Variants in AKAP6 observed in about 807,000 individuals in gnomAD.
AKAP6 encodes the protein A-kinase anchoring protein 6, also known as A-kinase anchor protein 6.
A neutral mutation model predicts 188.5 loss-of-function variants in AKAP6; 58 were observed. That is an observed-to-expected ratio of 0.31 (90% CI 0.25 to 0.38). The LOEUF is 0.38. Ranked by LOEUF, AKAP6 falls within the 10% of genes least tolerant of loss-of-function variation. The probability of loss-of-function intolerance (pLI) is 1.00; values close to 1 mark genes in which losing one functional copy is unlikely to be tolerated. For missense variants in AKAP6, 2,710 were observed against 2,740.0 expected, an observed-to-expected ratio of 0.99 and a Z score of 0.24; for synonymous variants, 989 against 998.6, an observed-to-expected ratio of 0.99 and a Z score of 0.18.
chr14:32,479,644 A>G (rs1879240153), intron 2 of AKAP6, among the ~76,000 whole-genome samples: 1 of 152,112 alleles, frequency 6.6e-6, no homozygotes, highest in Non-Finnish European at 1.5e-5. Flanking sequence ...GTGTCCCCCT[A>G]CAAATTTATA....
chr14:32,468,275 A>G (rs1878573896), intron 2 of AKAP6, among the ~76,000 whole-genome samples: 1 of 152,214 alleles, frequency 6.6e-6, no homozygotes, highest in Non-Finnish European at 1.5e-5. Context: ...TGACATATTC[A>G]GAAGAGCTAG....
At chr14:32,627,459 C>T (rs1887069887) in intron 7 of AKAP6, among the ~76,000 whole-genome samples, 1 of 152,084 alleles carries the variant, frequency 6.6e-6, no homozygotes, top group African/African-American at 2.4e-5. Flanking sequence ...ACTCAGCCCA[C>T]TCTTCATTAA....
At position 32,831,996 on chromosome 14, in the gene AKAP6, C is replaced by T. The variant is rs1477492456; in HGVS notation, c.*2191C>T. On this transcript the variant is annotated 3_prime_UTR_variant, in exon 14 of 14. Transcript: ENST00000280979. ...ATCTGTAATTCTACCACTTTAATAACTATTTGTATTTTTATGCCCCTTCTG... is the reference window on the plus strand; with the variant it reads ...ATCTGTAATTCTACCACTTTAATAATTATTTGTATTTTTATGCCCCTTCTG... 2 of 152,080 alleles carry T rather than the reference C, an allele frequency of 1.3e-5. No homozygotes were observed. Among genetic ancestry groups the T allele is most frequent in the African/African-American group, 2.4e-5 (1 of 41,434 alleles). The allele number at this position is 152,080 out of a possible 1,614,324, so 9.4% of individuals were successfully genotyped here.
At chr14:32,559,581 G>T (rs1360498210) in intron 4 of AKAP6, among the ~76,000 whole-genome samples, 1 of 152,118 alleles carries the variant, frequency 6.6e-6, no homozygotes, top group Non-Finnish European at 1.5e-5. Context: ...TAATCTGACT[G>T]TGGTATGCTG....
rs182280616 is a variant in AKAP6, at chr14:32,382,827, T to C, written c.-34-50633T>C. ...GTGGTACAGGGGAAGGATGCAGTGA[T>C]TTGGATGTGGTTGCCTGGAATAGGA... On this transcript the variant is annotated intron_variant, in intron 1 of 13. Transcript: ENST00000280979. 3.5e-4 allele frequency among the ~76,000 whole-genome samples: 54 copies of C among 152,134 alleles called. 1 individual carries two copies. The East Asian group carries it at 0.01, about 29-fold the overall frequency.
Position 32,545,135 on chromosome 14 carries a change from C to T in AKAP6, c.577-95C>T, listed in dbSNP as rs181353923. ...AGCAATAGGGACCAATACATTTGAC[C>T]TTTATAGTGCCCTGTACTGCAATTT... On this transcript the variant is annotated intron_variant, in intron 3 of 13. Transcript: ENST00000280979. 228 of 1,221,144 alleles carry T rather than the reference C, an allele frequency of 1.9e-4. 1 individual carries two copies. In the African/African-American group the frequency reaches 3.0e-3, roughly 16 times the overall value. The allele number at this position is 1,221,144 out of a possible 1,614,324, so 75.6% of individuals were successfully genotyped here. A position where few individuals can be genotyped will look rare whatever the true frequency, so the allele number is the denominator to read the frequency against.
intron 9 of AKAP6, among the ~76,000 whole-genome samples, chr14:32,721,886 C>G (rs190027951): frequency 3.3e-5 from 5 of 152,220 alleles, no homozygotes; most frequent in African/African-American, 1.2e-4. Context: ...ATCTCCCAGG[C>G]CAATCCTCAT....
intron 4 of AKAP6, among the ~76,000 whole-genome samples, chr14:32,569,428 G>A (rs140403491): frequency 5.7e-4 from 87 of 152,126 alleles, no homozygotes; most frequent in African/African-American, 1.8e-3. Context: ...TCAATTACTC[G>A]TACTGTGTTG....
At chr14:32,611,499 G>T (rs1886352478) in intron 7 of AKAP6, among the ~76,000 whole-genome samples, 1 of 152,186 alleles carries the variant, frequency 6.6e-6, no homozygotes, top group African/African-American at 2.4e-5. Flanking sequence ...TAAGGATGTA[G>T]GTTTGGTAGT....
At chr14:32,749,743 A>G (rs1490906415) in intron 11 of AKAP6, among the ~76,000 whole-genome samples, 1 of 152,250 alleles carries the variant, frequency 6.6e-6, no homozygotes, top group Non-Finnish European at 1.5e-5. Flanking sequence ...TATGTAAGAC[A>G]TACAATTCTC....
intron 7 of AKAP6, among the ~76,000 whole-genome samples, chr14:32,627,385 G>T (rs946891644): frequency 3.9e-5 from 6 of 152,002 alleles, no homozygotes; most frequent in Non-Finnish European, 7.4e-5. Flanking sequence ...TCAATATATG[G>T]TATTATTTTG....
At chr14:32,343,551 A>G (rs1482808767) in intron 1 of AKAP6, among the ~76,000 whole-genome samples, 2 of 151,844 alleles carry the variant, frequency 1.3e-5, no homozygotes, top group Non-Finnish European at 2.9e-5. Flanking sequence ...GATCGAGACC[A>G]TCCTGGCTAA....
At chr14:32,364,631 A>G (rs1448917965) in intron 1 of AKAP6, among the ~76,000 whole-genome samples, 1 of 152,030 alleles carries the variant, frequency 6.6e-6, no homozygotes, top group East Asian at 1.9e-4. Flanking sequence ...AATACTACCC[A>G]TTTCCTATCT....
intron 12 of AKAP6, among the ~76,000 whole-genome samples, chr14:32,812,930 A>T (rs2034274116): frequency 6.6e-6 from 1 of 152,144 alleles, no homozygotes; most frequent in Admixed American, 6.5e-5. Context: ...GGGTTTTTTT[A>T]CACCAAGCTA....
chr14:32,424,168 T>C lies in AKAP6; in HGVS notation c.-34-9292T>C, dbSNP rs971446357. ...TGCATGTATTGACTTTCCTGTACCA[T>C]TCTAGGATACAACTGTAATTGAATT... is the stretch of plus-strand genomic sequence containing the variant. On this transcript the variant is annotated intron_variant, in intron 1 of 13. Coordinates refer to ENST00000280979, the MANE Select transcript of AKAP6 (RefSeq NM_004274.5). 3.9e-5 allele frequency among the ~76,000 whole-genome samples: 6 copies of C among 152,320 alleles called. No homozygotes were observed. The East Asian group carries it at 1.2e-3, about 29-fold the overall frequency.
chr14:32,516,467 C>A (rs541269322), intron 2 of AKAP6, among the ~76,000 whole-genome samples: 133 of 152,330 alleles, frequency 8.7e-4, no homozygotes, highest in African/African-American at 3.0e-3. Flanking sequence ...AAACTCCTCT[C>A]TTCTGTGCTG....
chr14:32,348,576 G>A (rs1887156147), intron 1 of AKAP6, among the ~76,000 whole-genome samples: 1 of 151,990 alleles, frequency 6.6e-6, no homozygotes. Context: ...CACCACGCAT[G>A]CTAATTTTGT....
intron 1 of AKAP6, among the ~76,000 whole-genome samples, chr14:32,416,756 T>C (rs1336014838): frequency 6.6e-6 from 1 of 152,122 alleles, no homozygotes; most frequent in African/African-American, 2.4e-5. Flanking sequence ...GGTTTCACCA[T>C]GTTGGCCAGG....
intron 2 of AKAP6, among the ~76,000 whole-genome samples, chr14:32,515,292 C>T (rs762682672): frequency 4.6e-5 from 7 of 152,094 alleles, no homozygotes; most frequent in Non-Finnish European, 8.8e-5. Flanking sequence ...CAATGATCTC[C>T]ACCCGGCCCC....
Sources: allele counts gnomAD v4.1 joint callset (sites outside exome capture counted in the v4.1 genomes callset), GRCh38; gene constraint gnomAD v4.1.1; transcripts MANE v1.5; gene names NCBI Gene and HGNC (gene_info 2026-07-23, HGNC 2026-07-21).